MAPRE1: variants seen among roughly 807,000 people sequenced by gnomAD.
MAPRE1 encodes the protein microtubule associated protein RP/EB family member 1.
A neutral mutation model predicts 32.1 loss-of-function variants in MAPRE1; 5 were observed. The ratio of observed to expected loss-of-function variants is 0.16; its 90% CI spans 0.08 to 0.33. The LOEUF is 0.33. MAPRE1 is among the 10% of genes least tolerant of loss of function. The pLI, the probability that MAPRE1 is intolerant of heterozygous loss-of-function variation, is 1.00. For missense variants in MAPRE1, 209 were observed against 327.2 expected, an observed-to-expected ratio of 0.64 and a Z score of 2.79; for synonymous variants, 122 against 118.9, an observed-to-expected ratio of 1.03 and a Z score of -0.17.
rs1176789708 is a variant in MAPRE1, at chr20:32,839,782, G to C, written c.523G>C (p.Ala175Pro). The C allele has an allele frequency of 1.9e-6, 3 of 1,614,084 alleles. No homozygotes were observed. Among genetic ancestry groups the C allele is most frequent in the East Asian group, 4.5e-5 (2 of 44,894 alleles). Residue 175 changes from alanine (A) to proline (P), a missense_variant, in exon 5 of 7, where the codon GCT becomes CCT. This residue lies in a region of MAPRE1 where 106 missense variants were observed against 115.3 expected (regional missense o/e 0.92). Coordinates refer to ENST00000375571, the MANE Select transcript of MAPRE1 (RefSeq NM_012325.3). ...ACAGAGAACCGCTGCGGCTCCTAAG[G>C]CTGGCCCTGGTGTGGTGCGAAAGAA... is the stretch of plus-strand genomic sequence containing the variant. ...STQRTAAAPK[A>P]GPGVVRKNPG...
At chr20:32,846,995 C>T (rs1983522365) in intron 6 of MAPRE1, among the ~76,000 whole-genome samples, 1 of 152,214 alleles carries the variant, frequency 6.6e-6, no homozygotes, top group African/African-American at 2.4e-5. Flanking sequence ...TGCCCAGCAT[C>T]TGTAGTATGT....
At chr20:32,824,099 G>C (rs1398081742) in intron 1 of MAPRE1, among the ~76,000 whole-genome samples, 1 of 152,172 alleles carries the variant, frequency 6.6e-6, no homozygotes, top group Non-Finnish European at 1.5e-5. Context: ...TGCATAAGTG[G>C]TTGGTATGAA....
intron 2 of MAPRE1, among the ~76,000 whole-genome samples, chr20:32,828,673 A>G (rs1483406594): frequency 6.6e-6 from 1 of 152,222 alleles, no homozygotes; most frequent in Non-Finnish European, 1.5e-5. Context: ...CAGACCCTGG[A>G]AATGAGTGCA....
chr20:32,846,726 G>A lies in MAPRE1; in HGVS notation c.706G>A (p.Asp236Asn), dbSNP rs754509909. The stretch of plus-strand genomic sequence containing the variant: ...TTGCCAGGAGAACGAGGGGGAAAAC[G>A]ACCCTGTATTGCAGAGGATTGTAGA... ...LICQENEGEN[D>N]PVLQRIVDIL... The change falls in exon 6 of 7, where the codon GAC (aspartate) becomes AAC (asparagine). Residue 236 changes from aspartate (D) to asparagine (N), a missense_variant. By Grantham distance (23) the Asp-to-Asn change is conservative (BLOSUM62 1). Transcript: ENST00000375571. 5.0e-6 allele frequency: 8 copies of A among 1,614,154 alleles called. No individual in the cohort carries two copies. Among genetic ancestry groups the A allele is most frequent in the Non-Finnish European group, 5.9e-6 (7 of 1,180,014 alleles).
chr20:32,838,474 A>G (rs1983262014), intron 4 of MAPRE1, among the ~76,000 whole-genome samples: 1 of 152,102 alleles, frequency 6.6e-6, no homozygotes, highest in Non-Finnish European at 1.5e-5. Context: ...GTGGACCTAC[A>G]AGTTTTGATT....
At chr20:32,835,472 G>GC (rs1235186933) in intron 3 of MAPRE1, among the ~76,000 whole-genome samples, 1 of 149,690 alleles carries the variant, frequency 6.7e-6, no homozygotes, top group Non-Finnish European at 1.5e-5. Context: ...GGGCAGCCCT[G>GC]CCCCCAGCAA....
At position 32,848,660 on chromosome 20, in the gene MAPRE1, T is replaced by C. The variant is rs1309941801; in HGVS notation, c.751-12T>C. On this transcript the variant is annotated splice_polypyrimidine_tract_variant and intron_variant, in intron 6 of 6. Transcript: ENST00000375571. Reference sequence around the variant, plus strand: ...CTTTCAGTGGCTTTCCCCTCTCATTTTCCTATTTCAGGAAGGCTTTGTGAT... The same window carrying C: ...CTTTCAGTGGCTTTCCCCTCTCATTCTCCTATTTCAGGAAGGCTTTGTGAT... 1 of 1,610,132 alleles carries C rather than the reference T, an allele frequency of 6.2e-7. No homozygotes were observed. The highest frequency in any genetic ancestry group is 2.2e-5 in the East Asian group (1 of 44,834).
rs1321482636 is a variant in MAPRE1, at chr20:32,849,463, T to A, written c.*735T>A. On this transcript the variant is annotated 3_prime_UTR_variant, in exon 7 of 7. Coordinates refer to ENST00000375571, the MANE Select transcript of MAPRE1 (RefSeq NM_012325.3). Reference sequence around the variant, plus strand: ...GCTTGGTTTTCATTGAGCATTTCTCTATTTTTCCAGTTATCCCCGAAATTT... The same window carrying A: ...GCTTGGTTTTCATTGAGCATTTCTCAATTTTTCCAGTTATCCCCGAAATTT... The A allele has an allele frequency of 6.6e-6, 1 of 152,248 alleles. No individual in the cohort carries two copies. The highest frequency in any genetic ancestry group is 6.5e-5 in the Admixed American group (1 of 15,284). The allele number at this position is 152,248 out of a possible 1,614,324, so 9.4% of individuals were successfully genotyped here.
chr20:32,830,707 C>G (rs556500386), intron 2 of MAPRE1, among the ~76,000 whole-genome samples: 7 of 151,838 alleles, frequency 4.6e-5, no homozygotes, highest in Middle Eastern at 6.8e-3. Flanking sequence ...TTTATCAAGT[C>G]ACATTTCTGA....
chr20:32,847,450 A>G (rs1027263531), intron 6 of MAPRE1, among the ~76,000 whole-genome samples: 1 of 152,220 alleles, frequency 6.6e-6, no homozygotes, highest in African/African-American at 2.4e-5. Flanking sequence ...TCAAACTACA[A>G]ACTTCTGGTA....
At position 32,826,248 on chromosome 20, in the gene MAPRE1, G is replaced by T. The variant is rs576000159; in HGVS notation, c.121+200G>T. On this transcript the variant is annotated intron_variant, in intron 2 of 6. Coordinates refer to ENST00000375571, the MANE Select transcript of MAPRE1 (RefSeq NM_012325.3). The stretch of plus-strand genomic sequence containing the variant: ...TTTTTTTTTTTTTTGACAGAGTCTC[G>T]CTCTGTTGCCCAGGCTGGAGTGCAG... Among the ~76,000 whole-genome samples the T allele has an allele frequency of 4.1e-3, 525 of 129,352 alleles. 4 individuals carry two copies. Among genetic ancestry groups the T allele is most frequent in the Middle Eastern group, 0.037 (9 of 246 alleles). The allele number at this position is 129,352 out of a possible 152,430, so 84.9% of individuals were successfully genotyped here.
rs1418388746 is a variant in MAPRE1, at chr20:32,849,491, A to G, written c.*763A>G. On this transcript the variant is annotated 3_prime_UTR_variant, in exon 7 of 7. Coordinates refer to ENST00000375571, the MANE Select transcript of MAPRE1 (RefSeq NM_012325.3). Reference sequence around the variant, plus strand: ...TTTTCCAGTTATCCCCGAAATTTCTATGTATTATATTTTTTGGGGAAGTGA... The same window carrying G: ...TTTTCCAGTTATCCCCGAAATTTCTGTGTATTATATTTTTTGGGGAAGTGA... 1 of 152,192 alleles carries G rather than the reference A, an allele frequency of 6.6e-6. No individual in the cohort carries two copies. Among genetic ancestry groups the G allele is most frequent in the Non-Finnish European group, 1.5e-5 (1 of 68,034 alleles). 9.4% of individuals were successfully genotyped at this position (152,192 alleles called of 1,614,324 possible).
upstream of MAPRE1, chr20:32,819,859 T>G (rs1169223348): frequency 6.7e-6 from 1 of 148,464 alleles, no homozygotes; most frequent in Admixed American, 6.7e-5. Flanking sequence ...GCTGAGACCC[T>G]CTCTATAAAA....
At chr20:32,833,961 C>G (rs1199665066) in intron 3 of MAPRE1, 99 bp downstream of exon 3, 2 of 1,180,896 alleles carry the variant, frequency 1.7e-6, no homozygotes, top group South Asian at 3.9e-5. Flanking sequence ...TCTTTTTTTT[C>G]TTAATTTATC....
chr20:32,824,589 G>T (rs1982790289), intron 1 of MAPRE1, among the ~76,000 whole-genome samples: 1 of 152,130 alleles, frequency 6.6e-6, no homozygotes, highest in South Asian at 2.1e-4. Flanking sequence ...TAACTACAAG[G>T]ATTCTTCACC....
chr20:32,826,207 A>G (rs1982840939), intron 2 of MAPRE1, among the ~76,000 whole-genome samples, 159 bp downstream of exon 2: 1 of 143,340 alleles, frequency 7.0e-6, no homozygotes, highest in Admixed American at 7.3e-5. Flanking sequence ...TTCTGCTTCC[A>G]AAGGAACTTT....
intron 6 of MAPRE1, among the ~76,000 whole-genome samples, chr20:32,847,381 T>C (rs1983533279): frequency 6.6e-6 from 1 of 152,240 alleles, no homozygotes. Flanking sequence ...GTTATCCGGC[T>C]GTGTCCACTG....
chr20:32,836,856 C>A lies in MAPRE1; in HGVS notation c.475+15C>A. 6.3e-7 allele frequency: 1 copy of A among 1,574,962 alleles called. No individual in the cohort carries two copies. The highest frequency in any genetic ancestry group is 2.1e-5 in the Admixed American group (1 of 47,898). The stretch of plus-strand genomic sequence containing the variant: ...TAGCAGTGCAGGTAAAAAAACAACC[C>A]CAAAACGTTTCCAAAAAATAGCGTT... On this transcript the variant is annotated intron_variant, in intron 4 of 6. Transcript: ENST00000375571.
Position 32,820,422 on chromosome 20 carries a change from C to T in MAPRE1, c.-4+394C>T, listed in dbSNP as rs577133573. On this transcript the variant is annotated intron_variant, in intron 1 of 6. Transcript: ENST00000375571. Reference sequence around the variant, plus strand: ...TGTGGGAGGCCGTGTTGCCTGAGGGCCGAGAGATCGGGTGGTGGAGTCAGA... The same window carrying T: ...TGTGGGAGGCCGTGTTGCCTGAGGGTCGAGAGATCGGGTGGTGGAGTCAGA... Among the ~76,000 whole-genome samples, 6 of 152,160 alleles carry T rather than the reference C, an allele frequency of 3.9e-5. No homozygotes were observed. In the East Asian group the frequency reaches 1.2e-3, roughly 29 times the overall value.
Sources: gnomAD v4.1 joint callset for allele counts (sites outside exome capture counted in the v4.1 genomes callset) on GRCh38, gnomAD v4.1.1 for gene constraint, gnomAD v4.1.1 regional missense constraint, MANE v1.5 for transcripts, NCBI Gene and HGNC (gene_info 2026-07-23, HGNC 2026-07-21) for gene names.